KIFC3: variants seen among roughly 807,000 people sequenced by gnomAD.
KIFC3 encodes kinesin family member C3.
KIFC3 carries 60 observed loss-of-function variants against 101.8 expected under a neutral mutation model. That is an observed-to-expected ratio of 0.59 (90% CI 0.48 to 0.73). The LOEUF (loss-of-function observed/expected upper bound fraction) is 0.73, where lower values mean the gene tolerates loss of function less well. Ranked by LOEUF, KIFC3 falls within the 30% of genes least tolerant of loss-of-function variation. KIFC3 has a pLI of 0.00. For synonymous variants in KIFC3, 476 were observed against 482.7 expected, an observed-to-expected ratio of 0.99 and a Z score of 0.18; for missense variants, 966 against 1,137.1, an observed-to-expected ratio of 0.85 and a Z score of 2.16.
chr16:57,816,659 G>T, intron 1 of KIFC3: 1 of 456,672 alleles, frequency 2.2e-6, no homozygotes, highest in Non-Finnish European at 4.4e-6. Flanking sequence ...ACACCAGGCA[G>T]CCTCCACCCC....
chr16:57,819,675 C>G (rs1471395359), intron 1 of KIFC3, among the ~76,000 whole-genome samples: 1 of 152,034 alleles, frequency 6.6e-6, no homozygotes, highest in Admixed American at 6.6e-5. Flanking sequence ...ATTCTCCTGC[C>G]TCAGCCTCCT....
intron 1 of KIFC3, among the ~76,000 whole-genome samples, chr16:57,849,124 T>C (rs1320792079): frequency 1.3e-5 from 2 of 152,186 alleles, no homozygotes; most frequent in Non-Finnish European, 2.9e-5. Flanking sequence ...TAATAAGCTT[T>C]AGAGGTTTAT....
chr16:57,849,982 G>T (rs981104247), intron 1 of KIFC3, among the ~76,000 whole-genome samples: 2 of 152,098 alleles, frequency 1.3e-5, no homozygotes, highest in African/African-American at 4.8e-5. Context: ...GGCTTGAGGG[G>T]AATCAGCCTC....
chr16:57,840,359 T>C (rs115425424), intron 1 of KIFC3, among the ~76,000 whole-genome samples: 4,492 of 151,976 alleles, frequency 0.03, 228 homozygotes, highest in African/African-American at 0.1. Context: ...AAAACCTAGC[T>C]TGCCAGACAC....
At chr16:57,832,926 G>A (rs985251520) in intron 1 of KIFC3, among the ~76,000 whole-genome samples, 15 of 151,966 alleles carry the variant, frequency 9.9e-5, no homozygotes, top group African/African-American at 2.7e-4. Context: ...TATATAAGCC[G>A]GCCAGGCTCG....
intron 3 of KIFC3, chr16:57,782,380 A>C (rs1200489994): frequency 6.5e-6 from 1 of 152,790 alleles, no homozygotes; most frequent in African/African-American, 2.4e-5. Flanking sequence ...GGTGGTGGCC[A>C]CAGCAACACC....
At chr16:57,830,272 C>G (rs1362012553) in intron 1 of KIFC3, among the ~76,000 whole-genome samples, 1 of 138,092 alleles carries the variant, frequency 7.2e-6, no homozygotes, top group Non-Finnish European at 1.5e-5. Context: ...GAGTCTTACA[C>G]TGTTGCCCAA....
At chr16:57,784,031 C>G (rs1555616301) in intron 3 of KIFC3, among the ~76,000 whole-genome samples, 2 of 152,326 alleles carry the variant, frequency 1.3e-5, no homozygotes, top group Non-Finnish European at 2.9e-5. Context: ...GCTCAAGACG[C>G]CCAGGGACAA....
chr16:57,837,542 A>AAAGGAAGGAAGG (rs1491274813), intron 1 of KIFC3, among the ~76,000 whole-genome samples: 2 of 118,504 alleles, frequency 1.7e-5, no homozygotes, highest in Admixed American at 9.8e-5. Context: ...AAAGAAAGAG[A>AAAGGAAGGAAGG]AAGGAAGGAA....
At chr16:57,760,478 A>C in intron 16 of KIFC3, 62 bp from the exon 17 acceptor site, 1 of 1,558,146 alleles carries the variant, frequency 6.4e-7, no homozygotes, top group Non-Finnish European at 8.7e-7. Flanking sequence ...GGGTCACGAG[A>C]GGGAGCTCAC....
At chr16:57,835,172 C>A (rs549621369) in intron 1 of KIFC3, among the ~76,000 whole-genome samples, 1 of 152,102 alleles carries the variant, frequency 6.6e-6, no homozygotes. Flanking sequence ...ACAATAGCAC[C>A]GATATTTGAA....
chr16:57,844,356 G>A (rs1238958299), intron 1 of KIFC3, among the ~76,000 whole-genome samples: 2 of 151,546 alleles, frequency 1.3e-5, no homozygotes, highest in African/African-American at 4.9e-5. Flanking sequence ...CTTGAACCCG[G>A]GAGGCGGAGG....
rs531059403 is a variant in KIFC3 at position 57,770,862 on chromosome 16, G to T, written c.766-162C>A. ...TGAGGTCCTGGCTTTCCAGAAAGCT[G>T]GGGGGGTCTCCTGGAACCTTCTCAG... On this transcript the variant is annotated intron_variant, in intron 6 of 19. Transcript: ENST00000445690. Among the ~76,000 whole-genome samples the T allele has an allele frequency of 4.2e-4, 64 of 152,212 alleles. 1 individual carries two copies. Among genetic ancestry groups the T allele is most frequent in the Middle Eastern group, 3.4e-3 (1 of 294 alleles).
At chr16:57,850,955 TTCCTTC>T (rs2056041061) in intron 1 of KIFC3, among the ~76,000 whole-genome samples, 1 of 18,428 alleles carries the variant, frequency 5.4e-5, no homozygotes, top group South Asian at 2.4e-3. Context: ...CCCTCCTTCC[TTCCTTC>T]CTTCCTTCCT....
chr16:57,769,800 C>T lies in KIFC3; in HGVS notation c.1087+8G>A. The T allele has an allele frequency of 6.2e-7, 1 of 1,613,264 alleles. No individual in the cohort carries two copies. Among genetic ancestry groups the T allele is most frequent in the Non-Finnish European group, 8.5e-7 (1 of 1,179,978 alleles). ...GTGGGGCAGACAGGGCCCAGCTGGT[C>T]AGCTCACCTGCTAGATTCTCGTGCA... On this transcript the variant is annotated splice_region_variant and intron_variant, in intron 8 of 19. Coordinates refer to ENST00000445690, the MANE Select transcript of KIFC3 (RefSeq NM_001130100.2). The surrounding 1 kb of genome is among the most constrained non-coding windows in gnomAD (Gnocchi z 4.3).
chr16:57,805,399 G>A (rs1402466569), upstream of KIFC3, among the ~76,000 whole-genome samples: 1 of 152,146 alleles, frequency 6.6e-6, no homozygotes, highest in Admixed American at 6.5e-5. Flanking sequence ...AACTCTCCTG[G>A]CCCCGGGAAA....
In KIFC3 at chr16:57,762,303, G is replaced by C. The variant is rs1555598870; in HGVS notation, c.1618-33C>G. 2.0e-6 allele frequency: 3 copies of C among 1,498,218 alleles called. No individual in the cohort carries two copies. In the Admixed American group the frequency reaches 6.6e-5, roughly 33 times the overall value. 92.8% of individuals were successfully genotyped at this position (1,498,218 alleles called of 1,614,324 possible). ...CAGAAGGAAAGGCCCCAGTAAGCCA[G>C]GCCTGTCCCCAAAGACGCTCGTGTG... On this transcript the variant is annotated intron_variant, in intron 12 of 19. Transcript: ENST00000445690.
rs782561019 is a variant in KIFC3, at chr16:57,761,132, T to C, written c.1912A>G (p.Thr638Ala). The change falls in exon 15 of 20, where the codon ACC (threonine) becomes GCC (alanine). Residue 638 changes from threonine (T) to alanine (A), a missense_variant. Around this residue, in one of 2 missense-constraint regions of KIFC3, gnomAD observed 689 missense variants for 884.6 expected, o/e 0.78. Coordinates refer to ENST00000445690, the MANE Select transcript of KIFC3 (RefSeq NM_001130100.2). ...CGGGAGCTGTGCTCGTTCAGGTTGGTGAACTCGGTCGTGCGATTAGTGTGG... is the reference window on the plus strand; with the variant it reads ...CGGGAGCTGTGCTCGTTCAGGTTGGCGAACTCGGTCGTGCGATTAGTGTGG... ...FGHTNRTTEF[T>A]NLNEHSSRSH... The C allele has an allele frequency of 6.2e-7, 1 of 1,613,882 alleles. No homozygotes were observed. The highest frequency in any genetic ancestry group is 1.1e-5 in the South Asian group (1 of 91,080).
At chr16:57,852,360 C>T (rs1177166704) in intron 1 of KIFC3, among the ~76,000 whole-genome samples, 1 of 152,006 alleles carries the variant, frequency 6.6e-6, no homozygotes, top group Admixed American at 6.6e-5. Context: ...AGTGAATCAC[C>T]CCACCTCCTG....
Sources: gnomAD v4.1 joint callset for allele counts (sites outside exome capture counted in the v4.1 genomes callset) on GRCh38, gnomAD v4.1.1 for gene constraint, gnomAD v4.1.1 regional missense constraint, Gnocchi (gnomAD v3.1) non-coding constraint, MANE v1.5 for transcripts, NCBI Gene and HGNC (gene_info 2026-07-23, HGNC 2026-07-21) for gene names.